RGS6: variants seen among roughly 807,000 people sequenced by gnomAD.
The protein encoded by RGS6 is regulator of G-protein signaling 6.
In RGS6, 30 loss-of-function variants were observed where a neutral mutation model predicts 78.5. The observed-to-expected ratio is 0.38, with a 90% CI of 0.29 to 0.52. The LOEUF (loss-of-function observed/expected upper bound fraction) is 0.52. Ranked by LOEUF, RGS6 falls within the 20% of genes least tolerant of loss-of-function variation. The probability of loss-of-function intolerance (pLI) is 0.85; values close to 1 mark genes in which losing one functional copy is unlikely to be tolerated. For synonymous variants in RGS6, 206 were observed against 206.0 expected (o/e 1.00, Z 0.00); for missense variants, 495 against 609.7 (o/e 0.81, Z 1.98).
intron 3 of RGS6, among the ~76,000 whole-genome samples, chr14:72,358,791 G>T (rs898113527): frequency 4.7e-4 from 71 of 152,180 alleles, no homozygotes; most frequent in African/African-American, 1.6e-3. Flanking sequence ...TTGGGGGACT[G>T]TTGGGAAGGC....
intron 2 of RGS6, among the ~76,000 whole-genome samples, chr14:72,091,809 T>G (rs985767067): frequency 6.6e-6 from 1 of 152,106 alleles, no homozygotes; most frequent in Non-Finnish European, 1.5e-5. Context: ...TTAACTGCTC[T>G]CCAGCTCTTA....
intron 2 of RGS6, among the ~76,000 whole-genome samples, chr14:72,277,975 C>T (rs1001853272): frequency 6.6e-6 from 1 of 152,058 alleles, no homozygotes; most frequent in African/African-American, 2.4e-5. Flanking sequence ...CTACTTCCCC[C>T]ACCCCTAATA....
At chr14:72,349,583 G>C (rs140822005) in intron 2 of RGS6, among the ~76,000 whole-genome samples, 38 of 152,316 alleles carry the variant, frequency 2.5e-4, no homozygotes, top group African/African-American at 7.5e-4. Context: ...TTGCTGGAGT[G>C]TAGTCTTCTT....
the RGS6 span, chr14:72,619,269 A>C: frequency 6.5e-7 from 1 of 1,535,060 alleles, no homozygotes; most frequent in Non-Finnish European, 8.7e-7. Context: ...GATCTCCAGC[A>C]GCGAGTCACA....
intron 6 of RGS6, among the ~76,000 whole-genome samples, chr14:72,464,899 A>G (rs550787871): frequency 1.3e-5 from 2 of 152,216 alleles, no homozygotes; most frequent in Non-Finnish European, 2.9e-5. Flanking sequence ...TGAGCAGGAC[A>G]TAGCCTCTGC....
intron 2 of RGS6, among the ~76,000 whole-genome samples, chr14:72,002,605 C>CAAA (rs66969536): frequency 2.0e-5 from 3 of 149,794 alleles, no homozygotes; most frequent in African/African-American, 7.4e-5. Context: ...GCCAACTTTT[C>CAAA]AAAAAAAAAA....
At chr14:72,292,058 A>ACT (rs10683909) in intron 2 of RGS6, among the ~76,000 whole-genome samples, 146,704 of 152,050 alleles carry the variant, frequency 0.96, 70,797 homozygotes, top group East Asian at 1. Context: ...GAACACAGTA[A>ACT]CACGGTAGGG....
At chr14:72,317,471 G>A (rs957083123) in intron 2 of RGS6, among the ~76,000 whole-genome samples, 2 of 152,074 alleles carry the variant, frequency 1.3e-5, no homozygotes, top group Non-Finnish European at 2.9e-5. Context: ...AAATGTGCAC[G>A]TTTGCCTCGA....
At chr14:72,525,365 C>T (rs1415352254) in intron 15 of RGS6, among the ~76,000 whole-genome samples, 1 of 152,182 alleles carries the variant, frequency 6.6e-6, no homozygotes, top group Non-Finnish European at 1.5e-5. Context: ...AGGTTCCTTT[C>T]CTTAAGCGGC....
At chr14:72,542,167 G>A (rs1171089813) in intron 17 of RGS6, among the ~76,000 whole-genome samples, 1 of 152,164 alleles carries the variant, frequency 6.6e-6, no homozygotes, top group Admixed American at 6.5e-5. Context: ...AACAGGTGAT[G>A]CATTCAGAAT....
chr14:72,335,538 G>C (rs2075869921), intron 2 of RGS6, among the ~76,000 whole-genome samples: 1 of 152,174 alleles, frequency 6.6e-6, no homozygotes, highest in Non-Finnish European at 1.5e-5. Flanking sequence ...GTGACAGCCT[G>C]TCTCTACATA....
chr14:72,612,048 C>T, the RGS6 span, among the ~76,000 whole-genome samples: 1 of 152,130 alleles, frequency 6.6e-6, no homozygotes, highest in African/African-American at 2.4e-5. Flanking sequence ...CAGTCGATGC[C>T]CTGCCAAGGG....
intron 2 of RGS6, among the ~76,000 whole-genome samples, chr14:72,066,611 T>C (rs1156468727): frequency 6.6e-6 from 1 of 151,380 alleles, no homozygotes; most frequent in African/African-American, 2.4e-5. Flanking sequence ...GGCTGTCCAC[T>C]TAAAAGCTGA....
At chr14:72,055,471 A>G (rs1177997827) in intron 2 of RGS6, among the ~76,000 whole-genome samples, 2 of 152,164 alleles carry the variant, frequency 1.3e-5, no homozygotes, top group African/African-American at 4.8e-5. Flanking sequence ...ATGGCACCCA[A>G]ATTTTTCTCC....
intron 2 of RGS6, among the ~76,000 whole-genome samples, chr14:72,047,728 T>C (rs2092952677): frequency 6.6e-6 from 1 of 152,048 alleles, no homozygotes; most frequent in Non-Finnish European, 1.5e-5. Context: ...AAACTTCATT[T>C]CTTTTTCTTT....
intron 2 of RGS6, among the ~76,000 whole-genome samples, chr14:72,267,835 T>A (rs542965540): frequency 6.6e-6 from 1 of 152,284 alleles, no homozygotes; most frequent in East Asian, 1.9e-4. Context: ...AAGAAAAAAA[T>A]GTATTTTTGT....
intron 2 of RGS6, among the ~76,000 whole-genome samples, chr14:72,240,053 A>G (rs1204825453): frequency 6.6e-6 from 1 of 152,182 alleles, no homozygotes; most frequent in Non-Finnish European, 1.5e-5. Context: ...CTTAAAGCTC[A>G]CTATGGATGG....
chr14:72,156,115 G>C (rs531596943), intron 2 of RGS6, among the ~76,000 whole-genome samples: 1 of 152,168 alleles, frequency 6.6e-6, no homozygotes, highest in African/African-American at 2.4e-5. Context: ...CTTGCAAACC[G>C]GGGTCTGAAG....
chr14:72,115,701 G>A (rs1252773815), intron 2 of RGS6, among the ~76,000 whole-genome samples: 2 of 152,194 alleles, frequency 1.3e-5, no homozygotes, highest in Non-Finnish European at 2.9e-5. Context: ...TATAGCTACT[G>A]CTTCAGTTCC....
Sources: allele counts gnomAD v4.1 joint callset (sites outside exome capture counted in the v4.1 genomes callset), GRCh38; gene constraint gnomAD v4.1.1; transcripts MANE v1.5; gene names NCBI Gene and HGNC (gene_info 2026-07-23, HGNC 2026-07-21).